STXBP6: variants seen among roughly 807,000 people sequenced by gnomAD.
The protein encoded by STXBP6 is syntaxin-binding protein 6.
STXBP6 carries 21 observed loss-of-function variants against 26.9 expected under a neutral mutation model. That is an observed-to-expected ratio of 0.78 (90% CI 0.55 to 1.12). The LOEUF is 1.12. Ranked by LOEUF, STXBP6 falls within the 50% of genes most tolerant of loss-of-function variation. The pLI is 0.00. For missense variants in STXBP6, 232 were observed against 257.9 expected, an observed-to-expected ratio of 0.90 and a Z score of 0.69; for synonymous variants, 97 against 92.6, an observed-to-expected ratio of 1.05 and a Z score of -0.27.
chr14:24,998,685 C>G (rs1275221147), intron 1 of STXBP6, among the ~76,000 whole-genome samples: 1 of 152,214 alleles, frequency 6.6e-6, no homozygotes, highest in Non-Finnish European at 1.5e-5. Context: ...ACACCTACCG[C>G]AGGCTTGGCA....
chr14:24,882,845 A>G (rs988362186), intron 2 of STXBP6, among the ~76,000 whole-genome samples: 3 of 152,234 alleles, frequency 2.0e-5, no homozygotes, highest in Non-Finnish European at 4.4e-5. Flanking sequence ...AAATTTACGT[A>G]TCTAAAAGCT....
chr14:24,887,184 T>C (rs948779183), intron 2 of STXBP6, among the ~76,000 whole-genome samples: 16 of 152,204 alleles, frequency 1.1e-4, no homozygotes, highest in African/African-American at 3.9e-4. Flanking sequence ...CTCTACACTT[T>C]GGTGCTTTAT....
At chr14:24,981,352 CCT>C (rs2074187785) in intron 1 of STXBP6, among the ~76,000 whole-genome samples, 1 of 151,938 alleles carries the variant, frequency 6.6e-6, no homozygotes, top group Admixed American at 6.6e-5. Flanking sequence ...CTCACTGCAA[CCT>C]CTGTCTCCCA....
At chr14:24,893,662 A>C (rs1378416150) in intron 2 of STXBP6, among the ~76,000 whole-genome samples, 1 of 152,246 alleles carries the variant, frequency 6.6e-6, no homozygotes, top group African/African-American at 2.4e-5. Context: ...CTAACAAATA[A>C]AAATTAGGGC....
intron 2 of STXBP6, among the ~76,000 whole-genome samples, chr14:24,933,427 T>C (rs1000021041): frequency 6.6e-6 from 1 of 152,048 alleles, no homozygotes; most frequent in Non-Finnish European, 1.5e-5. Flanking sequence ...ATTTAGGAAC[T>C]GAAACAGTAT....
At chr14:24,890,667 A>G (rs1030097545) in intron 2 of STXBP6, among the ~76,000 whole-genome samples, 16 of 152,256 alleles carry the variant, frequency 1.1e-4, no homozygotes, top group Non-Finnish European at 1.3e-4. Context: ...TAAGGAAATT[A>G]GCGTCCTTTT....
intron 1 of STXBP6, among the ~76,000 whole-genome samples, chr14:24,991,458 C>T (rs909758702): frequency 6.6e-6 from 1 of 152,182 alleles, no homozygotes; most frequent in Admixed American, 6.5e-5. Context: ...CAGATTAATG[C>T]GAATGTGTAA....
chr14:24,979,358 C>T (rs2074127479), intron 1 of STXBP6, among the ~76,000 whole-genome samples: 1 of 152,194 alleles, frequency 6.6e-6, no homozygotes, highest in Non-Finnish European at 1.5e-5. Flanking sequence ...CAGATGCAGT[C>T]AGCATGCTGA....
chr14:25,011,370 T>C (rs2075026311), intron 1 of STXBP6, among the ~76,000 whole-genome samples: 1 of 152,208 alleles, frequency 6.6e-6, no homozygotes. Context: ...TCAAGGATAT[T>C]ACATAAGACT....
rs149697605 is a variant in STXBP6 at position 24,975,178 on chromosome 14, C to G, written c.-32-328G>C. 1.0e-3 allele frequency among the ~76,000 whole-genome samples: 159 copies of G among 152,314 alleles called. 1 individual carries two copies. The highest frequency in any genetic ancestry group is 3.5e-3 in the African/African-American group (144 of 41,566). ...CTCTAACTGGCAAGCAGTACCCACTCTATTCCTGTTCTGTAAGAAACATAT... is the reference window on the plus strand; with the variant it reads ...CTCTAACTGGCAAGCAGTACCCACTGTATTCCTGTTCTGTAAGAAACATAT... On this transcript the variant is annotated intron_variant, in intron 1 of 5. Transcript: ENST00000323944.
intron 2 of STXBP6, among the ~76,000 whole-genome samples, chr14:24,885,969 G>T (rs1251054082): frequency 2.0e-5 from 3 of 152,178 alleles, no homozygotes; most frequent in Non-Finnish European, 4.4e-5. Context: ...TCTGAACTTA[G>T]TGTTCATGAA....
intron 2 of STXBP6, among the ~76,000 whole-genome samples, chr14:24,893,889 G>A (rs977792367): frequency 6.6e-6 from 1 of 151,802 alleles, no homozygotes; most frequent in African/African-American, 2.4e-5. Context: ...TCCTCTTTTG[G>A]GTTAGTGGCA....
intron 4 of STXBP6, among the ~76,000 whole-genome samples, chr14:24,834,946 A>G (rs905464682): frequency 2.0e-5 from 3 of 152,130 alleles, no homozygotes; most frequent in Non-Finnish European, 4.4e-5. Flanking sequence ...ATACACATGA[A>G]GGGTTTGGCA....
intron 2 of STXBP6, among the ~76,000 whole-genome samples, chr14:24,907,162 A>G (rs1202946888): frequency 6.6e-6 from 1 of 152,194 alleles, no homozygotes; most frequent in Non-Finnish European, 1.5e-5. Flanking sequence ...GCTAGAAGAA[A>G]AAATTTGTGA....
chr14:25,041,377 A>G (rs189219108), intron 1 of STXBP6, among the ~76,000 whole-genome samples: 2 of 152,210 alleles, frequency 1.3e-5, no homozygotes, highest in Admixed American at 1.3e-4. Context: ...TATAGTGGAT[A>G]AGGATTTAAT....
At chr14:24,953,462 C>T (rs774904622) in intron 2 of STXBP6, among the ~76,000 whole-genome samples, 4 of 152,170 alleles carry the variant, frequency 2.6e-5, no homozygotes, top group Admixed American at 1.3e-4. Context: ...CAAGTTGTCA[C>T]GCTTCCTTCT....
rs567033560 is a variant in STXBP6, at chr14:24,814,674, TTG to T, written c.610-1944_610-1943del. On this transcript the variant is annotated intron_variant, in intron 5 of 5. Coordinates refer to ENST00000323944, the MANE Select transcript of STXBP6 (RefSeq NM_001394410.1). Reference sequence around the variant, plus strand: ...TTGAGTATTGGCATGGTCCAAATGTTTGTGTTTCCCCAGAATTCTTATGTTGA... The same window carrying T: ...TTGAGTATTGGCATGGTCCAAATGTTTGTTTCCCCAGAATTCTTATGTTGA... Among the ~76,000 whole-genome samples the T allele has an allele frequency of 1.1e-3, 169 of 152,326 alleles. 1 individual carries two copies. The highest frequency in any genetic ancestry group is 1.5e-3 in the Non-Finnish European group (105 of 68,036).
At chr14:24,895,647 C>T (rs1304746960) in intron 2 of STXBP6, among the ~76,000 whole-genome samples, 1 of 152,204 alleles carries the variant, frequency 6.6e-6, no homozygotes, top group African/African-American at 2.4e-5. Context: ...CAAATCCTCT[C>T]AAATACGCAG....
At chr14:24,883,358 C>G (rs549086724) in intron 2 of STXBP6, among the ~76,000 whole-genome samples, 7 of 152,272 alleles carry the variant, frequency 4.6e-5, no homozygotes, top group African/African-American at 1.7e-4. Context: ...TGATACATTA[C>G]TATTAAATCA....
Sources: allele counts gnomAD v4.1 joint callset (sites outside exome capture counted in the v4.1 genomes callset), GRCh38; gene constraint gnomAD v4.1.1; transcripts MANE v1.5; gene names NCBI Gene and HGNC (gene_info 2026-07-23, HGNC 2026-07-21).